DDC: variants seen among roughly 807,000 people sequenced by gnomAD.
DDC encodes aromatic-L-amino-acid decarboxylase.
DDC carries 43 observed loss-of-function variants against 60.0 expected under a neutral mutation model. The ratio of observed to expected loss-of-function variants is 0.72; its 90% CI spans 0.56 to 0.92. The LOEUF (loss-of-function observed/expected upper bound fraction) is 0.92, where lower values mean the gene tolerates loss of function less well. DDC is among the 40% of genes least tolerant of loss of function. The pLI is 0.00. For synonymous variants in DDC, 232 were observed against 234.6 expected (o/e 0.99, Z 0.10); for missense variants, 573 against 620.2 (o/e 0.92, Z 0.81).
chr7:50,516,165 C>T (rs2043723114), intron 6 of DDC, among the ~76,000 whole-genome samples: 1 of 152,234 alleles, frequency 6.6e-6, no homozygotes, highest in East Asian at 1.9e-4. Flanking sequence ...CAAGATAGAC[C>T]ATATAATAGG....
chr7:50,502,140 T>C (rs182636779), intron 7 of DDC, among the ~76,000 whole-genome samples: 2 of 152,256 alleles, frequency 1.3e-5, no homozygotes, highest in African/African-American at 4.8e-5. Context: ...ATGAAAGGGT[T>C]TTGGCATTCA....
intron 9 of DDC, among the ~76,000 whole-genome samples, chr7:50,494,429 G>T (rs924313880): frequency 2.0e-5 from 3 of 151,936 alleles, no homozygotes; most frequent in Non-Finnish European, 4.4e-5. Context: ...GCATGAACCT[G>T]GGAAGCGGAG....
intron 7 of DDC, among the ~76,000 whole-genome samples, chr7:50,500,408 G>C (rs974186020): frequency 6.6e-6 from 1 of 152,122 alleles, no homozygotes; most frequent in Non-Finnish European, 1.5e-5. Flanking sequence ...CTTTGCGGGG[G>C]ACACAAACGT....
chr7:50,537,542 C>G (rs1396557232), intron 4 of DDC, among the ~76,000 whole-genome samples: 1 of 152,198 alleles, frequency 6.6e-6, no homozygotes, highest in Admixed American at 6.5e-5. Flanking sequence ...ATGGGGAACC[C>G]CACACAAACG....
At chr7:50,509,981 T>C (rs888851886) in intron 6 of DDC, among the ~76,000 whole-genome samples, 1 of 152,108 alleles carries the variant, frequency 6.6e-6, no homozygotes, top group Non-Finnish European at 1.5e-5. Context: ...ACGTATCTTT[T>C]TTTTTTTGAG....
At chr7:50,483,223 G>C (rs2042808039) in intron 9 of DDC, among the ~76,000 whole-genome samples, 2 of 152,060 alleles carry the variant, frequency 1.3e-5, no homozygotes, top group Admixed American at 6.6e-5. Flanking sequence ...AAATGTTGTT[G>C]ACTTTTATCT....
chr7:50,559,962 G>A (rs537215209), intron 1 of DDC, among the ~76,000 whole-genome samples: 31 of 152,266 alleles, frequency 2.0e-4, no homozygotes, highest in African/African-American at 6.7e-4. Flanking sequence ...GTGTGTAGAC[G>A]CCCACCTAGC....
chr7:50,520,593 C>T (rs2043861870), intron 6 of DDC, among the ~76,000 whole-genome samples: 1 of 152,148 alleles, frequency 6.6e-6, no homozygotes, highest in Non-Finnish European at 1.5e-5. Context: ...AAGCTTCCAC[C>T]TTAATAACCT....
rs1478162574 is a variant in DDC at position 50,476,641 on chromosome 7, G to A, written c.1024C>T (p.Leu342Phe). 3.7e-6 allele frequency: 6 copies of A among 1,611,938 alleles called. No homozygotes were observed. In the Admixed American group the frequency reaches 5.0e-5, roughly 13 times the overall value. Residue 342 changes from leucine (L) to phenylalanine (F), a missense_variant and splice_region_variant, in exon 11 of 15, where the codon CTT (leucine) becomes TTT (phenylalanine). Leu to Phe is a conservative substitution (Grantham distance 22). Coordinates refer to ENST00000444124, the MANE Select transcript of DDC (RefSeq NM_001082971.2). ...CCACTTACCCGGTAGTCAGTGATAA[G>A]CCCTGGAGAAAAGAGAAAGAAAAAG... ...YLKHSHQDSG[L>F]ITDYRHWQIP...
At chr7:50,507,287 G>A (rs1040769212) in intron 6 of DDC, among the ~76,000 whole-genome samples, 1 of 151,960 alleles carries the variant, frequency 6.6e-6, no homozygotes, top group Non-Finnish European at 1.5e-5. Flanking sequence ...GTCGAGGCTG[G>A]AGTGCAGTGG....
chr7:50,480,357 C>T (rs967385386), intron 9 of DDC, among the ~76,000 whole-genome samples: 3 of 152,244 alleles, frequency 2.0e-5, no homozygotes, highest in East Asian at 1.9e-4. Context: ...TGACCTACCA[C>T]CCCACTTGTA....
rs1214927238 is a variant in DDC at position 50,492,699 on chromosome 7, T to TCTCTCCC, written c.944+2650_944+2651insGGGAGAG. The TCTCTCCC allele has an allele frequency of 8.0e-6, 11 of 1,381,244 alleles. No homozygotes were observed. The African/African-American group carries it at 1.0e-4, about 13-fold the overall frequency. The allele number at this position is 1,381,244 out of a possible 1,614,324, so 85.6% of individuals were successfully genotyped here. A position where few individuals can be genotyped will look rare whatever the true frequency, so the allele number is the denominator to read the frequency against. ...CTACAAGGAAATTTTCCAAATGGCCTTTTCCAAATGGCCTGGCCTCATCCC... is the reference window on the plus strand; with the variant it reads ...CTACAAGGAAATTTTCCAAATGGCCTCTCTCCCTTTCCAAATGGCCTGGCCTCATCCC... On this transcript the variant is annotated intron_variant, in intron 9 of 14. Coordinates refer to ENST00000444124, the MANE Select transcript of DDC (RefSeq NM_001082971.2).
chr7:50,505,774 C>A (rs1400736896), intron 6 of DDC, among the ~76,000 whole-genome samples: 3 of 152,230 alleles, frequency 2.0e-5, no homozygotes, highest in Non-Finnish European at 4.4e-5. Flanking sequence ...CAAAACAGGT[C>A]CTGGCTGGAC....
intron 4 of DDC, among the ~76,000 whole-genome samples, chr7:50,534,786 C>G (rs937069498): frequency 6.6e-6 from 1 of 152,260 alleles, no homozygotes; most frequent in Admixed American, 6.5e-5. Flanking sequence ...AGGCACGCAG[C>G]TGTCCCACTG....
In DDC at chr7:50,488,838, G is replaced by A. The variant is rs895518205; in HGVS notation, c.944+6512C>T. Among the ~76,000 whole-genome samples the A allele has an allele frequency of 5.3e-5, 8 of 151,656 alleles. No homozygotes were observed. The East Asian group carries it at 7.7e-4, about 15-fold the overall frequency. On this transcript the variant is annotated intron_variant, in intron 9 of 14. Transcript: ENST00000444124. ...AAAATTTCAACTTTAATTTCATCTCGCTGTTTTCAGCTTTCTCTCCCCTTC... is the reference window on the plus strand; with the variant it reads ...AAAATTTCAACTTTAATTTCATCTCACTGTTTTCAGCTTTCTCTCCCCTTC...
At chr7:50,562,318 G>C (rs11575260) in intron 1 of DDC, among the ~76,000 whole-genome samples, 4 of 152,200 alleles carry the variant, frequency 2.6e-5, no homozygotes, top group Admixed American at 2.6e-4. Flanking sequence ...CAGCAGCCAT[G>C]TGGACAATGG....
chr7:50,552,900 C>T (rs1187697864), intron 1 of DDC, among the ~76,000 whole-genome samples: 1 of 152,224 alleles, frequency 6.6e-6, no homozygotes, highest in Non-Finnish European at 1.5e-5. Context: ...GCCACAGCCC[C>T]TCCCACCATT....
At chr7:50,531,137 A>C (rs1439836312) in intron 4 of DDC, among the ~76,000 whole-genome samples, 1 of 152,214 alleles carries the variant, frequency 6.6e-6, no homozygotes, top group Non-Finnish European at 1.5e-5. Context: ...CAATGATTTT[A>C]GACATTGTTT....
chr7:50,475,193 G>A (rs1418436395), intron 11 of DDC, among the ~76,000 whole-genome samples: 1 of 152,220 alleles, frequency 6.6e-6, no homozygotes, highest in African/African-American at 2.4e-5. Flanking sequence ...AACCAGAGGA[G>A]GAGACAGAAA....
Sources: gnomAD v4.1 joint callset for allele counts (sites outside exome capture counted in the v4.1 genomes callset) on GRCh38, gnomAD v4.1.1 for gene constraint, MANE v1.5 for transcripts, NCBI Gene and HGNC (gene_info 2026-07-23, HGNC 2026-07-21) for gene names.